UPB1: variants seen among roughly 807,000 people sequenced by gnomAD.
UPB1 encodes the protein beta-ureidopropionase 1.
A neutral mutation model predicts 49.1 loss-of-function variants in UPB1; 40 were observed. The observed-to-expected ratio is 0.81, with a 90% CI of 0.63 to 1.06. The LOEUF (loss-of-function observed/expected upper bound fraction) is 1.06, where lower values mean the gene tolerates loss of function less well. Among genes scored for constraint, UPB1 ranks in the 50% least tolerant of loss-of-function variants. The probability of loss-of-function intolerance (pLI) is 0.00; values close to 1 mark genes in which losing one functional copy is unlikely to be tolerated. For missense variants in UPB1, 499 were observed against 505.9 expected (o/e 0.99, Z 0.13); for synonymous variants, 207 against 198.2 (o/e 1.04, Z -0.38).
intron 5 of UPB1, among the ~76,000 whole-genome samples, chr22:24,514,928 AG>A (rs1481059660): frequency 6.6e-6 from 1 of 152,212 alleles, no homozygotes; most frequent in Non-Finnish European, 1.5e-5. Context: ...AGTTTGAAAT[AG>A]TGTGGAACGT....
rs1199497100 is a variant in UPB1, at chr22:24,526,075, C to T, written c.*281C>T. The T allele has an allele frequency of 2.3e-6, 1 of 427,980 alleles. No homozygotes were observed. The highest frequency in any genetic ancestry group is 2.1e-5 in the African/African-American group (1 of 47,814). 26.5% of individuals were successfully genotyped at this position (427,980 alleles called of 1,614,324 possible). ...AATGTTTGTTATGTAAATTTTACCT[C>T]AACTAAAAAAAAAAATGCCCAGGTA... On this transcript the variant is annotated 3_prime_UTR_variant, in exon 10 of 10. Transcript: ENST00000326010.
At chr22:24,506,524 G>A (rs191883976) in intron 3 of UPB1, among the ~76,000 whole-genome samples, 85 of 152,258 alleles carry the variant, frequency 5.6e-4, no homozygotes, top group African/African-American at 1.9e-3. Context: ...CCGTGTTTCC[G>A]TGCCTCAGTG....
At chr22:24,497,255 A>G (rs2043909016) in intron 1 of UPB1, among the ~76,000 whole-genome samples, 1 of 152,184 alleles carries the variant, frequency 6.6e-6, no homozygotes, top group African/African-American at 2.4e-5. Context: ...GACATAAAAC[A>G]TTGTTAAGAG....
At chr22:24,500,547 A>C (rs2043976794) in intron 2 of UPB1, among the ~76,000 whole-genome samples, 1 of 151,994 alleles carries the variant, frequency 6.6e-6, no homozygotes, top group South Asian at 2.1e-4. Flanking sequence ...CCATTTACCA[A>C]CCGGGAGGGT....
rs780314131 is a variant in UPB1, at chr22:24,495,377, G to C, written c.-27G>C. ...GGCAAAGGGCAGGCAGTTCGTGCGC[G>C]GACACAAGCACTGGCGGACCGTGGC... On this transcript the variant is annotated 5_prime_UTR_variant, in exon 1 of 10. Transcript: ENST00000326010. The C allele has an allele frequency of 1.3e-5, 21 of 1,610,928 alleles. No homozygotes were observed. Among genetic ancestry groups the C allele is most frequent in the Non-Finnish European group, 3.4e-6 (4 of 1,179,542 alleles).
intron 8 of UPB1, among the ~76,000 whole-genome samples, chr22:24,522,902 C>T (rs1480457635): frequency 6.8e-6 from 1 of 147,816 alleles, no homozygotes; most frequent in Admixed American, 6.8e-5. Flanking sequence ...TGACATCGCA[C>T]CATTGCACTC....
chr22:24,522,085 CTCTG>C, intron 8 of UPB1, 57 bp downstream of exon 8: 3 of 1,589,102 alleles, frequency 1.9e-6, no homozygotes, highest in Non-Finnish European at 8.6e-7. Flanking sequence ...CTCTCCCCTT[CTCTG>C]TCTGCTTCCT....
At position 24,495,353 on chromosome 22, in the gene UPB1, G is replaced by C; in HGVS notation, c.-51G>C. 8.1e-6 allele frequency: 13 copies of C among 1,599,502 alleles called. No individual in the cohort carries two copies. Among genetic ancestry groups the C allele is most frequent in the Non-Finnish European group, 1.1e-5 (13 of 1,172,112 alleles). On this transcript the variant is annotated 5_prime_UTR_variant, in exon 1 of 10. Transcript: ENST00000326010. ...GCCTGGGCACCTCCTCCCACTGCGG[G>C]CAAAGGGCAGGCAGTTCGTGCGCGG...
At chr22:24,510,932 C>A in intron 4 of UPB1, 89 bp downstream of exon 4, 2 of 1,346,362 alleles carry the variant, frequency 1.5e-6, no homozygotes, top group Non-Finnish European at 2.1e-6. Flanking sequence ...GGCCTTTCAC[C>A]ATGGAAAATG....
chr22:24,506,854 A>C (rs2044100707), intron 3 of UPB1, among the ~76,000 whole-genome samples: 1 of 152,042 alleles, frequency 6.6e-6, no homozygotes, highest in Non-Finnish European at 1.5e-5. Context: ...ACTCCCCCTC[A>C]TTTATCAAAG....
intron 7 of UPB1, among the ~76,000 whole-genome samples, chr22:24,520,984 A>G (rs748523262): frequency 2.6e-4 from 39 of 152,112 alleles, no homozygotes; most frequent in Admixed American, 5.9e-4. Context: ...GAAGTTTGAA[A>G]CCAGCCTGGC....
intron 3 of UPB1, chr22:24,503,235 C>T (rs1381246387): frequency 6.6e-6 from 1 of 152,244 alleles, no homozygotes; most frequent in African/African-American, 2.4e-5. Context: ...ACGCATCAAA[C>T]AGTCTATCAG....
chr22:24,521,488 ATAAT>A (rs1173536028), intron 7 of UPB1, among the ~76,000 whole-genome samples: 3 of 152,138 alleles, frequency 2.0e-5, no homozygotes, highest in African/African-American at 4.8e-5. Context: ...AAATAAATAA[ATAAT>A]TAAATAAATA....
chr22:24,513,172 C>T, intron 4 of UPB1, 152 bp from the exon 5 acceptor site: 1 of 1,066,714 alleles, frequency 9.4e-7, no homozygotes, highest in South Asian at 1.4e-5. Context: ...TTTAGCAAAG[C>T]ATGGACATCA....
intron 3 of UPB1, 140 bp downstream of exon 3, chr22:24,502,353 C>G (rs760150622): frequency 2.0e-5 from 19 of 927,454 alleles, no homozygotes; most frequent in Non-Finnish European, 3.4e-5. Context: ...GTCCACATCA[C>G]CAGGAACCCC....
intron 7 of UPB1, among the ~76,000 whole-genome samples, 158 bp downstream of exon 7, chr22:24,520,626 T>C (rs1418933690): frequency 1.3e-5 from 2 of 152,142 alleles, no homozygotes; most frequent in Admixed American, 1.3e-4. Context: ...TCCTCCTGTT[T>C]TTTCTGTTTT....
chr22:24,517,396 C>A (rs1290365659), intron 6 of UPB1, among the ~76,000 whole-genome samples: 1 of 152,240 alleles, frequency 6.6e-6, no homozygotes. Flanking sequence ...ACTTTGGGGC[C>A]ACCCCCTAAA....
At chr22:24,514,692 G>T (rs969807948) in intron 5 of UPB1, among the ~76,000 whole-genome samples, 2 of 152,220 alleles carry the variant, frequency 1.3e-5, no homozygotes, top group Non-Finnish European at 2.9e-5. Context: ...CGCTTTCAGG[G>T]TGTGGGTTCC....
At chr22:24,510,675 C>A in intron 3 of UPB1, 74 bp from the exon 4 acceptor site, 1 of 1,494,738 alleles carries the variant, frequency 6.7e-7, no homozygotes, top group South Asian at 1.1e-5. Flanking sequence ...AGTGACTTCC[C>A]GCTGCTGGGC....
Sources: allele counts gnomAD v4.1 joint callset (sites outside exome capture counted in the v4.1 genomes callset), GRCh38; gene constraint gnomAD v4.1.1; transcripts MANE v1.5; gene names NCBI Gene and HGNC (gene_info 2026-07-23, HGNC 2026-07-21).